The following NSUN7 variants were observed in gnomAD, a reference collection of about 807,000 sequenced individuals.
The protein encoded by NSUN7 is NOP2/Sun RNA methyltransferase family member 7.
Under a neutral mutation model 58.5 loss-of-function variants are expected in NSUN7, and 39 were observed. The ratio of observed to expected loss-of-function variants is 0.67; its 90% CI spans 0.52 to 0.87. The LOEUF (loss-of-function observed/expected upper bound fraction) is 0.87, where lower values mean the gene tolerates loss of function less well. Among genes scored for constraint, NSUN7 ranks in the 40% least tolerant of loss-of-function variants. The probability of loss-of-function intolerance (pLI) is 0.00; values close to 1 mark genes in which losing one functional copy is unlikely to be tolerated. For synonymous variants in NSUN7, 278 were observed against 303.7 expected, an observed-to-expected ratio of 0.92 and a Z score of 0.88; for missense variants, 765 against 844.1, an observed-to-expected ratio of 0.91 and a Z score of 1.16.
intron 10 of NSUN7, among the ~76,000 whole-genome samples, chr4:40,805,944 T>C (rs1430044428): frequency 6.6e-6 from 1 of 152,084 alleles, no homozygotes; most frequent in Non-Finnish European, 1.5e-5. Context: ...TGGGTTCAAG[T>C]GATTCTCCTG....
chr4:40,767,336 A>G (rs1741784700), intron 4 of NSUN7, among the ~76,000 whole-genome samples: 1 of 152,152 alleles, frequency 6.6e-6, no homozygotes, highest in African/African-American at 2.4e-5. Context: ...TCATTTCGTT[A>G]TGTACCCAGT....
chr4:40,759,497 A>G (rs1159296934), intron 2 of NSUN7, among the ~76,000 whole-genome samples: 4 of 152,178 alleles, frequency 2.6e-5, no homozygotes, highest in Admixed American at 2.6e-4. Flanking sequence ...AGATATGCAC[A>G]TGGCTAACTC....
At position 40,809,744 on chromosome 4, in the gene NSUN7, CA is replaced by C. The variant is rs1413753165; in HGVS notation, c.*806del. 1.3e-5 allele frequency: 2 copies of C among 152,176 alleles called. No individual in the cohort carries two copies. Among genetic ancestry groups the C allele is most frequent in the Non-Finnish European group, 2.9e-5 (2 of 68,010 alleles). 9.4% of individuals were successfully genotyped at this position (152,176 alleles called of 1,614,324 possible). On this transcript the variant is annotated 3_prime_UTR_variant, in exon 12 of 12. Transcript: ENST00000381782. ...ACCCACAAATTTCTGATTCTAAGAT[CA>C]GGGGATACAACAAAATCTACAAGTC...
chr4:40,807,220 G>A (rs1002577288), intron 11 of NSUN7, 36 bp downstream of exon 11: 2 of 1,525,924 alleles, frequency 1.3e-6, no homozygotes, highest in African/African-American at 1.4e-5. Context: ...GTCATACTTT[G>A]GAATTAATAA....
intron 9 of NSUN7, 94 bp from the exon 10 acceptor site, chr4:40,798,693 G>A: frequency 1.7e-6 from 1 of 603,404 alleles, no homozygotes; most frequent in Non-Finnish European, 2.8e-6. Context: ...AAAACCATGT[G>A]GTATTAGTAT....
intron 8 of NSUN7, 146 bp downstream of exon 8, chr4:40,790,891 T>C (rs1265567691): frequency 1.7e-6 from 1 of 594,118 alleles, no homozygotes; most frequent in Non-Finnish European, 2.8e-6. Context: ...TATAAAGTCC[T>C]TTACCTCTGT....
chr4:40,796,270 C>G (rs932718177), intron 9 of NSUN7, among the ~76,000 whole-genome samples: 2 of 152,140 alleles, frequency 1.3e-5, no homozygotes, highest in African/African-American at 4.8e-5. Flanking sequence ...ATGAGAATCA[C>G]TTGTTATAGT....
At chr4:40,769,997 G>A (rs541111399) in intron 4 of NSUN7, among the ~76,000 whole-genome samples, 29 of 151,976 alleles carry the variant, frequency 1.9e-4, no homozygotes, top group African/African-American at 7.0e-4. Context: ...ATCTCCTGAG[G>A]TCGGGAGTTC....
chr4:40,800,464 C>T (rs2154289225), intron 10 of NSUN7, among the ~76,000 whole-genome samples: 1 of 152,204 alleles, frequency 6.6e-6, no homozygotes, highest in Non-Finnish European at 1.5e-5. Context: ...CTCAGCCTCC[C>T]AAGTAGCTGG....
intron 7 of NSUN7, among the ~76,000 whole-genome samples, chr4:40,785,138 C>T (rs558934847): frequency 6.6e-6 from 1 of 151,054 alleles, no homozygotes; most frequent in Non-Finnish European, 1.5e-5. Context: ...TGGGTGCAAA[C>T]AGTCCTCCCA....
chr4:40,793,567 C>T (rs1184879631), intron 8 of NSUN7, among the ~76,000 whole-genome samples: 7 of 152,146 alleles, frequency 4.6e-5, no homozygotes, highest in Admixed American at 2.6e-4. Flanking sequence ...TGGGCAACAG[C>T]CACATACATG....
chr4:40,803,738 A>G (rs1363585584), intron 10 of NSUN7, among the ~76,000 whole-genome samples: 2 of 152,232 alleles, frequency 1.3e-5, no homozygotes, highest in Non-Finnish European at 2.9e-5. Context: ...TAACTTTTGT[A>G]TATGATAAGA....
intron 7 of NSUN7, among the ~76,000 whole-genome samples, chr4:40,784,798 C>T (rs997049270): frequency 6.6e-6 from 1 of 152,176 alleles, no homozygotes; most frequent in African/African-American, 2.4e-5. Context: ...AAAAGCTAGA[C>T]AATTTGTCAA....
rs112613558 is a variant in NSUN7, at chr4:40,751,763, G to A, written c.298+772G>A. On this transcript the variant is annotated intron_variant, in intron 2 of 11. Coordinates refer to ENST00000381782, the MANE Select transcript of NSUN7 (RefSeq NM_024677.6). ...AATCCCAGCACTTTTCGAAGCCAAG[G>A]TGGGAGGATTGATTGAGCTCAGGCG... Among the ~76,000 whole-genome samples, 1,124 of 152,244 alleles carry A rather than the reference G, an allele frequency of 7.4e-3. 14 individuals carry two copies. The highest frequency in any genetic ancestry group is 0.026 in the African/African-American group (1,084 of 41,552).
chr4:40,782,973 T>C (rs1742646977), intron 7 of NSUN7, among the ~76,000 whole-genome samples: 1 of 152,240 alleles, frequency 6.6e-6, no homozygotes. Flanking sequence ...TCATTGCAGT[T>C]CTTATAAAAA....
chr4:40,802,449 G>T (rs530666961), intron 10 of NSUN7, among the ~76,000 whole-genome samples: 1 of 152,198 alleles, frequency 6.6e-6, no homozygotes, highest in Admixed American at 6.5e-5. Flanking sequence ...CCCATTAAAG[G>T]GATGAAGTAG....
chr4:40,795,235 A>G (rs575186643), intron 9 of NSUN7, among the ~76,000 whole-genome samples: 45 of 152,348 alleles, frequency 3.0e-4, no homozygotes, highest in African/African-American at 1.1e-3. Flanking sequence ...TAGATCATTC[A>G]GTAAATAAAT....
At chr4:40,806,975 GA>G in intron 10 of NSUN7, 85 bp from the exon 11 acceptor site, 5 of 1,392,142 alleles carry the variant, frequency 3.6e-6, no homozygotes, top group Non-Finnish European at 4.9e-6. Context: ...AAGTATACTA[GA>G]AAAAAATGTA....
At position 40,750,928 on chromosome 4, in the gene NSUN7, T is replaced by G. The variant is rs985094440; in HGVS notation, c.235T>G (p.Ser79Ala). The G allele has an allele frequency of 6.2e-7, 1 of 1,614,090 alleles. No homozygotes were observed. The highest frequency in any genetic ancestry group is 8.5e-7 in the Non-Finnish European group (1 of 1,180,036). Residue 79 changes from serine (S) to alanine (A), a missense_variant, in exon 2 of 12, where the codon TCC (serine) becomes GCC (alanine). Ser to Ala is a moderately conservative substitution (Grantham distance 99). Transcript: ENST00000381782. ...TGGGAATGAACCCCTGCGGTCCTTG[T>G]CCGAGTCTGAGGATCAGTCCTTTCA... ...KYGNEPLRSL[S>A]ESEDQSFQRL...
Sources: allele counts gnomAD v4.1 joint callset (sites outside exome capture counted in the v4.1 genomes callset), GRCh38; gene constraint gnomAD v4.1.1; transcripts MANE v1.5; gene names NCBI Gene and HGNC (gene_info 2026-07-23, HGNC 2026-07-21).